CHURC1: variants seen among roughly 807,000 people sequenced by gnomAD.
The protein encoded by CHURC1 is churchill domain containing 1.
In CHURC1, 12 loss-of-function variants were observed where a neutral mutation model predicts 15.4. The ratio of observed to expected loss-of-function variants is 0.78; its 90% CI spans 0.50 to 1.27. The LOEUF (loss-of-function observed/expected upper bound fraction) is 1.27, where lower values mean the gene tolerates loss of function less well. Ranked by LOEUF, CHURC1 falls within the 50% of genes most tolerant of loss-of-function variation. The pLI is 0.00. For synonymous variants in CHURC1, 42 were observed against 47.5 expected, an observed-to-expected ratio of 0.88 and a Z score of 0.48; for missense variants, 132 against 137.8, an observed-to-expected ratio of 0.96 and a Z score of 0.21.
rs751863366 is a variant in CHURC1 at position 64,932,185 on chromosome 14, C to T, written c.294C>T (p.Ile98=). Residue 98 remains isoleucine (I), a synonymous_variant, in exon 4 of 4, where the codon ATC becomes ATT. Transcript: ENST00000549115. ...TATGCGGCAAAGCCGAAGATACTAT[C>T]AGTATTCTCCCTGATGACCCCCGAC... ...CLLCGKAEDT[I]SILPDDPRQM... is the part of the protein sequence containing the mutation. 9 of 1,613,904 alleles carry T rather than the reference C, an allele frequency of 5.6e-6. No homozygotes were observed. The highest frequency in any genetic ancestry group is 2.7e-5 in the African/African-American group (2 of 74,934).
At chr14:64,927,719 C>CG (rs1884813404) in intron 3 of CHURC1, among the ~76,000 whole-genome samples, 2 of 55,058 alleles carry the variant, frequency 3.6e-5, no homozygotes, top group African/African-American at 2.1e-4. Flanking sequence ...TCCCCCCACC[C>CG]CCCCCCCCGC....
At chr14:64,925,966 ACT>A (rs777819417) in intron 2 of CHURC1, 42 bp from the exon 3 acceptor site, 2 of 1,404,492 alleles carry the variant, frequency 1.4e-6, no homozygotes, top group Non-Finnish European at 1.9e-6. Flanking sequence ...GTTTTAAGAA[ACT>A]CTCTAAGACT....
rs1884685967 is a variant in CHURC1 at position 64,926,220 on chromosome 14, T to TTC, written c.246+141_246+142insCT. The TTC allele has an allele frequency of 1.5e-5, 7 of 482,446 alleles. No individual in the cohort carries two copies. The East Asian group carries it at 2.6e-4, about 18-fold the overall frequency. The allele number at this position is 482,446 out of a possible 1,614,324, so 29.9% of individuals were successfully genotyped here. ...TTAAAGGAGACTATGCCTTTTTTTTTTTTTTTTTTTGAGATGGTGTCTTGC... is the reference window on the plus strand; with the variant it reads ...TTAAAGGAGACTATGCCTTTTTTTTTTCTTTTTTTTTTGAGATGGTGTCTTGC... On this transcript the variant is annotated intron_variant, in intron 3 of 3. Transcript: ENST00000549115.
In CHURC1 at chr14:64,932,367, A is replaced by G. The variant is rs1885128661; in HGVS notation, c.*137A>G. ...GCTTAGACTTACTTATTCTTTGAGG[A>G]AAAAAGGTAATGTAGGAGCTCATTG... On this transcript the variant is annotated 3_prime_UTR_variant, in exon 4 of 4. Transcript: ENST00000549115. 2.1e-6 allele frequency: 3 copies of G among 1,429,344 alleles called. No homozygotes were observed. Among genetic ancestry groups the G allele is most frequent in the Non-Finnish European group, 1.8e-6 (2 of 1,088,318 alleles). 88.5% of individuals were successfully genotyped at this position (1,429,344 alleles called of 1,614,324 possible).
intron 3 of CHURC1, among the ~76,000 whole-genome samples, chr14:64,927,391 C>T (rs1404947658): frequency 6.6e-6 from 1 of 152,066 alleles, no homozygotes; most frequent in Non-Finnish European, 1.5e-5. Context: ...AGAAACAGTC[C>T]TATTCTTTTA....
intron 2 of CHURC1, among the ~76,000 whole-genome samples, chr14:64,925,132 T>C (rs1884586073): frequency 6.6e-6 from 1 of 152,224 alleles, no homozygotes; most frequent in Admixed American, 6.5e-5. Flanking sequence ...GTCTTGCTAG[T>C]TACTTAACTG....
intron 2 of CHURC1, among the ~76,000 whole-genome samples, chr14:64,925,714 A>AAAG (rs1231493966): frequency 3.6e-4 from 54 of 151,744 alleles, no homozygotes; most frequent in African/African-American, 1.3e-3. Flanking sequence ...AAAAAAAAAA[A>AAAG]AAAGAAATTG....
At chr14:64,920,882 T>C (rs1235905638) in intron 1 of CHURC1, among the ~76,000 whole-genome samples, 2 of 152,236 alleles carry the variant, frequency 1.3e-5, no homozygotes, top group East Asian at 3.8e-4. Context: ...TGTAAGCTCA[T>C]GTTAAAATTT....
intron 1 of CHURC1, among the ~76,000 whole-genome samples, chr14:64,919,685 C>G (rs891731108): frequency 1.3e-5 from 2 of 152,022 alleles, no homozygotes; most frequent in African/African-American, 4.8e-5. Context: ...GAGTTTGAGA[C>G]CAGCCTGGCC....
At chr14:64,918,897 ATAGT>A (rs1566827429) in intron 1 of CHURC1, among the ~76,000 whole-genome samples, 2 of 152,194 alleles carry the variant, frequency 1.3e-5, no homozygotes, top group Admixed American at 6.5e-5. Flanking sequence ...TGAGTAAGTA[ATAGT>A]TAATTATTTA....
chr14:64,933,532 A>G lies in CHURC1; in HGVS notation c.*1302A>G, dbSNP rs1262277085. On this transcript the variant is annotated 3_prime_UTR_variant, in exon 4 of 4. Coordinates refer to ENST00000549115, the MANE Select transcript of CHURC1 (RefSeq NM_001386928.1). Reference sequence around the variant, plus strand: ...CTCTGGACTTTATTGTCCTGTTTCTATCAAATTGGACTAACAAAAATTGAT... The same window carrying G: ...CTCTGGACTTTATTGTCCTGTTTCTGTCAAATTGGACTAACAAAAATTGAT... The G allele has an allele frequency of 5.1e-6, 5 of 980,292 alleles. No homozygotes were observed. The highest frequency in any genetic ancestry group is 4.8e-6 in the Non-Finnish European group (4 of 825,438). The allele number at this position is 980,292 out of a possible 1,614,324, so 60.7% of individuals were successfully genotyped here. A position where few individuals can be genotyped will look rare whatever the true frequency, so the allele number is the denominator to read the frequency against.
rs995741846 is a variant in CHURC1, at chr14:64,933,944, A to G, written c.*1714A>G. ...AGGTGCTATTGATAGTTTAGCCATA[A>G]CCAGATATGGCTTGTTATTTGTAAG... On this transcript the variant is annotated 3_prime_UTR_variant, in exon 4 of 4. Transcript: ENST00000549115. 12 of 985,120 alleles carry G rather than the reference A, an allele frequency of 1.2e-5. No individual in the cohort carries two copies. The African/African-American group carries it at 2.1e-4, about 17-fold the overall frequency. 61.0% of individuals were successfully genotyped at this position (985,120 alleles called of 1,614,324 possible).
intron 3 of CHURC1, among the ~76,000 whole-genome samples, chr14:64,931,483 A>G (rs1326266042): frequency 3.9e-5 from 6 of 152,070 alleles, no homozygotes; most frequent in African/African-American, 7.2e-5. Flanking sequence ...GCAGTGAACC[A>G]TCATTGCACC....
In CHURC1 at chr14:64,935,069, T is replaced by A; in HGVS notation, c.*2839T>A. The A allele has an allele frequency of 1.1e-6, 1 of 885,196 alleles. No individual in the cohort carries two copies. The highest frequency in any genetic ancestry group is 1.4e-6 in the Non-Finnish European group (1 of 739,140). 54.8% of individuals were successfully genotyped at this position (885,196 alleles called of 1,614,324 possible). A position where few individuals can be genotyped will look rare whatever the true frequency, so the allele number is the denominator to read the frequency against. On this transcript the variant is annotated 3_prime_UTR_variant, in exon 4 of 4. Coordinates refer to ENST00000549115, the MANE Select transcript of CHURC1 (RefSeq NM_001386928.1). ...TGAAATTGGAAATCTTCATTCTCAG[T>A]AAACTATCGCAAGGACAAAAAACCA...
intron 3 of CHURC1, among the ~76,000 whole-genome samples, chr14:64,929,783 T>C (rs546222297): frequency 6.6e-6 from 1 of 152,166 alleles, no homozygotes; most frequent in Non-Finnish European, 1.5e-5. Flanking sequence ...GTATTCTGTT[T>C]TTAAAACAAC....
At chr14:64,917,558 C>T (rs10148687) in intron 1 of CHURC1, among the ~76,000 whole-genome samples, 40,183 of 151,932 alleles carry the variant, frequency 0.26, 6,079 homozygotes, top group African/African-American at 0.4. Context: ...AGCAAAACTC[C>T]GTCTCAAAAC....
chr14:64,919,039 A>C (rs1403414619), intron 1 of CHURC1, among the ~76,000 whole-genome samples: 1 of 152,246 alleles, frequency 6.6e-6, no homozygotes, highest in African/African-American at 2.4e-5. Context: ...ATTTGAATTC[A>C]AACATGAGTC....
chr14:64,927,396 C>G (rs1183718478), intron 3 of CHURC1, among the ~76,000 whole-genome samples: 1 of 152,122 alleles, frequency 6.6e-6, no homozygotes, highest in Non-Finnish European at 1.5e-5. Context: ...CAGTCCTATT[C>G]TTTTATGGGA....
At chr14:64,930,650 T>G (rs1397792760) in intron 3 of CHURC1, 3 of 325,290 alleles carry the variant, frequency 9.2e-6, no homozygotes, top group Non-Finnish European at 1.8e-5. Context: ...ACTTTGTTCT[T>G]TCATGTCTGC....
Sources: allele counts gnomAD v4.1 joint callset (sites outside exome capture counted in the v4.1 genomes callset), GRCh38; gene constraint gnomAD v4.1.1; transcripts MANE v1.5; gene names NCBI Gene and HGNC (gene_info 2026-07-23, HGNC 2026-07-21).